Variants in PLEKHS1 observed in about 807,000 individuals in gnomAD.
PLEKHS1 encodes pleckstrin homology domain containing S1, also known as pleckstrin homology domain-containing family S member 1.
PLEKHS1 carries 55 observed loss-of-function variants against 51.0 expected under a neutral mutation model. That is an observed-to-expected ratio of 1.08 (90% CI 0.87 to 1.35). The LOEUF (loss-of-function observed/expected upper bound fraction) is 1.35, where lower values mean the gene tolerates loss of function less well. Ranked by LOEUF, PLEKHS1 falls within the 40% of genes most tolerant of loss-of-function variation. The probability of loss-of-function intolerance (pLI) is 0.00; values close to 1 mark genes in which losing one functional copy is unlikely to be tolerated. For synonymous variants in PLEKHS1, 153 were observed against 144.8 expected (o/e 1.06, Z -0.41); for missense variants, 398 against 423.0 (o/e 0.94, Z 0.52).
At chr10:113,769,048 C>G (rs1844286468) in intron 6 of PLEKHS1, among the ~76,000 whole-genome samples, 158 bp downstream of exon 6, 6 of 152,062 alleles carry the variant, frequency 3.9e-5, no homozygotes, top group Admixed American at 3.9e-4. Context: ...TTATGATTAA[C>G]AGAAAAAAAT....
chr10:113,753,701 G>C (rs1056929756), intron 1 of PLEKHS1, among the ~76,000 whole-genome samples: 9 of 152,052 alleles, frequency 5.9e-5, no homozygotes, highest in African/African-American at 1.9e-4. Context: ...CCATCCCACT[G>C]GTCTTCAAAG....
chr10:113,777,602 A>G, intron 11 of PLEKHS1: 1 of 1,547,306 alleles, frequency 6.5e-7, no homozygotes, highest in Non-Finnish European at 8.7e-7. Context: ...CTGTAAAATT[A>G]TGACTAATGA....
chr10:113,776,586 C>G (rs1844676325), intron 11 of PLEKHS1, among the ~76,000 whole-genome samples: 1 of 152,206 alleles, frequency 6.6e-6, no homozygotes, highest in Non-Finnish European at 1.5e-5. Context: ...TCCTCCATAA[C>G]TGAGCTGCTA....
chr10:113,755,541 A>G, intron 2 of PLEKHS1: 1 of 687,840 alleles, frequency 1.5e-6, no homozygotes, highest in Non-Finnish European at 2.0e-6. Context: ...AGGAGCTGGC[A>G]CTACAGGCAT....
exon 5 of PLEKHS1, chr10:113,767,444 C>A (rs767519961): frequency 6.2e-7 from 1 of 1,612,816 alleles, no homozygotes; most frequent in Admixed American, 1.7e-5. Flanking sequence ...CCATCAGAAC[C>A]ACTAACAGGG....
intron 8 of PLEKHS1, 110 bp from the exon 9 acceptor site, chr10:113,774,117 C>G: frequency 7.7e-6 from 5 of 649,686 alleles, no homozygotes; most frequent in Non-Finnish European, 1.3e-5. Flanking sequence ...CGTTCATCCA[C>G]TGGAAACTGT....
chr10:113,773,668 C>T (rs1029169327), intron 8 of PLEKHS1, among the ~76,000 whole-genome samples: 6 of 152,252 alleles, frequency 3.9e-5, no homozygotes, highest in South Asian at 2.1e-4. Flanking sequence ...AGGAAGGTTT[C>T]CATCATGGGT....
exon 12 of PLEKHS1, chr10:113,780,671 T>A (rs777241261): frequency 6.2e-7 from 1 of 1,613,788 alleles, no homozygotes; most frequent in East Asian, 2.2e-5. Context: ...TATGTGTCCC[T>A]CAAAATGCCA....
chr10:113,758,216 T>A (rs1448895960), intron 2 of PLEKHS1, among the ~76,000 whole-genome samples: 1 of 152,188 alleles, frequency 6.6e-6, no homozygotes, highest in Non-Finnish European at 1.5e-5. Flanking sequence ...CCCAGATCCA[T>A]CAGAGGAATC....
downstream of PLEKHS1, chr10:113,782,879 GAAATACAC>G (rs1844898555): frequency 6.6e-6 from 1 of 152,106 alleles, no homozygotes; most frequent in Admixed American, 6.6e-5. Context: ...TTATCATGCA[GAAATACAC>G]AAATACACAA....
chr10:113,753,092 C>G (rs1048727803), intron 1 of PLEKHS1, among the ~76,000 whole-genome samples: 1 of 152,142 alleles, frequency 6.6e-6, no homozygotes, highest in African/African-American at 2.4e-5. Context: ...TTTTGACAAA[C>G]AGCAGCTCAA....
exon 9 of PLEKHS1, chr10:113,774,247 C>T: frequency 1.9e-6 from 3 of 1,599,472 alleles, no homozygotes; most frequent in Non-Finnish European, 2.6e-6. Context: ...TCATTGCTTC[C>T]AGTGATTCTG....
At chr10:113,774,006 G>A (rs1240421648) in intron 8 of PLEKHS1, among the ~76,000 whole-genome samples, 1 of 152,212 alleles carries the variant, frequency 6.6e-6, no homozygotes, top group East Asian at 1.9e-4. Flanking sequence ...TCCGGAGCAT[G>A]AGGGATCCAG....
At chr10:113,763,984 T>C (rs1056746212) in intron 2 of PLEKHS1, among the ~76,000 whole-genome samples, 2 of 152,254 alleles carry the variant, frequency 1.3e-5, no homozygotes, top group African/African-American at 4.8e-5. Context: ...TGATGAATTA[T>C]TTCAGCCTTT....
At chr10:113,773,427 GA>G (rs1216064561) in intron 8 of PLEKHS1, among the ~76,000 whole-genome samples, 1 of 147,656 alleles carries the variant, frequency 6.8e-6, no homozygotes, top group Non-Finnish European at 1.5e-5. Context: ...AAAGACCAAA[GA>G]TAAATAAATA....
At chr10:113,774,545 C>G (rs186500641) in intron 9 of PLEKHS1, among the ~76,000 whole-genome samples, 3 of 152,152 alleles carry the variant, frequency 2.0e-5, no homozygotes, top group Admixed American at 2.0e-4. Context: ...GGACCTTTTC[C>G]GTCTCCTGAG....
chr10:113,771,965 T>A lies in PLEKHS1; in HGVS notation c.553-5T>A. 1.2e-6 allele frequency: 2 copies of A among 1,603,356 alleles called. No homozygotes were observed. Among genetic ancestry groups the A allele is most frequent in the Non-Finnish European group, 1.7e-6 (2 of 1,177,624 alleles). ...AAGCAAAGCATTTTTATCTCTTTTC[T>A]TCAGCATTTAATGGAACAAAGTTCT... On this transcript the variant is annotated splice_polypyrimidine_tract_variant and splice_region_variant and intron_variant, in intron 7 of 11. Coordinates refer to ENST00000361048, the Ensembl canonical transcript of PLEKHS1.
intron 1 of PLEKHS1, 92 bp from the exon 2 acceptor site, chr10:113,755,167 C>T: frequency 1.4e-6 from 2 of 1,384,318 alleles, no homozygotes; most frequent in South Asian, 3.0e-5. Flanking sequence ...CATTCGTGAG[C>T]ACAATCCTGA....
chr10:113,775,146 A>C, intron 10 of PLEKHS1, 111 bp downstream of exon 10: 3 of 1,011,666 alleles, frequency 3.0e-6, no homozygotes, highest in Non-Finnish European at 4.2e-6. Context: ...AAAAATCTCC[A>C]AGTCAGCCAA....
Sources: gnomAD v4.1 joint callset for allele counts (sites outside exome capture counted in the v4.1 genomes callset) on GRCh38, gnomAD v4.1.1 for gene constraint, MANE v1.5 for transcripts, NCBI Gene and HGNC (gene_info 2026-07-23, HGNC 2026-07-21) for gene names.